Variants in GALNS observed in about 807,000 individuals in gnomAD.
GALNS encodes the protein N-acetylgalactosamine-6-sulfatase.
GALNS carries 65 observed loss-of-function variants against 65.9 expected under a neutral mutation model. The ratio of observed to expected loss-of-function variants is 0.99; its 90% CI spans 0.81 to 1.21. The LOEUF is 1.21. Ranked by LOEUF, GALNS falls within the 50% of genes most tolerant of loss-of-function variation. The pLI, the probability that GALNS is intolerant of heterozygous loss-of-function variation, is 0.00. For missense variants in GALNS, 776 were observed against 700.7 expected (o/e 1.11, Z -1.21); for synonymous variants, 346 against 288.9 (o/e 1.20, Z -2.00).
chr16:88,818,392 A>C (rs1909860536), intron 12 of GALNS, among the ~76,000 whole-genome samples: 1 of 152,196 alleles, frequency 6.6e-6, no homozygotes, highest in African/African-American at 2.4e-5. Context: ...CTGTGAGTAG[A>C]GCCGTCCCAT....
chr16:88,836,084 T>C (rs2143001618), intron 6 of GALNS, 117 bp downstream of exon 6: 2 of 1,114,862 alleles, frequency 1.8e-6, no homozygotes, highest in Non-Finnish European at 2.6e-6. Flanking sequence ...CCTGAACCCA[T>C]GCCTCCCACG....
At chr16:88,818,924 CG>C (rs1332525550) in intron 12 of GALNS, among the ~76,000 whole-genome samples, 43 of 152,158 alleles carry the variant, frequency 2.8e-4, no homozygotes, top group African/African-American at 9.9e-4. Context: ...GGACGTGGAC[CG>C]GAGCAGCCAC....
At chr16:88,837,556 CGGGGGGCA>C in intron 5 of GALNS, 58 bp downstream of exon 5, 1 of 1,525,816 alleles carries the variant, frequency 6.6e-7, no homozygotes, top group Non-Finnish European at 9.0e-7. Context: ...GTGCTAGAGG[CGGGGGGCA>C]GGCACGCCGG....
chr16:88,834,489 C>T (rs56340296), intron 8 of GALNS, among the ~76,000 whole-genome samples: 4 of 102,572 alleles, frequency 3.9e-5, no homozygotes, highest in East Asian at 6.5e-4. Context: ...GAAGAGGCTG[C>T]AGGGCCCCCC....
intron 11 of GALNS, among the ~76,000 whole-genome samples, chr16:88,823,460 C>A (rs1203982686): frequency 6.6e-6 from 1 of 152,268 alleles, no homozygotes; most frequent in African/African-American, 2.4e-5. Context: ...CGTCCGAGGA[C>A]TGTGCCCAGG....
chr16:88,841,913 G>T lies in GALNS; in HGVS notation c.303C>A (p.Asn101Lys), dbSNP rs79146426. The T allele has an allele frequency of 1.2e-6, 2 of 1,613,234 alleles. No homozygotes were observed. The change falls in exon 3 of 14, where the codon AAC (asparagine) becomes AAA (lysine). Residue 101 changes from asparagine (N) to lysine (K), a missense_variant. Transcript: ENST00000268695. ...LPIRNGFYTTNAHARNAYTPQ... is the reference protein window; with the variant it reads ...LPIRNGFYTTKAHARNAYTPQ... ...GCAGCCTACCGTTTCTGGCATGGGC[G>T]TTGGTGGTGTAGAAGCCATTGCGGA... is the stretch of plus-strand genomic sequence containing the variant.
At position 88,826,682 on chromosome 16, in the gene GALNS, G is replaced by A. The variant is rs762116692; in HGVS notation, c.1139+20C>T. The A allele has an allele frequency of 1.7e-4, 267 of 1,606,818 alleles. No homozygotes were observed. The highest frequency in any genetic ancestry group is 2.3e-4 in the African/African-American group (17 of 74,840). On this transcript the variant is annotated intron_variant, in intron 10 of 13. Coordinates refer to ENST00000268695, the MANE Select transcript of GALNS (RefSeq NM_000512.5). ...ACTACTTGGATCGGGGGAAGGGGCCGGGGCAGGTCTAGCACCAACCTGTCC... is the reference window on the plus strand; with the variant it reads ...ACTACTTGGATCGGGGGAAGGGGCCAGGGCAGGTCTAGCACCAACCTGTCC...
chr16:88,814,486 G>A lies in GALNS; in HGVS notation c.1522C>T (p.Leu508=). 9 of 1,563,168 alleles carry A rather than the reference G, an allele frequency of 5.8e-6. No homozygotes were observed. Among genetic ancestry groups the A allele is most frequent in the African/African-American group, 1.4e-5 (1 of 73,992 alleles). ...PPGCEKLGKC[L]TPPESIPKKC... is the part of the protein sequence containing the mutation. ...TTGGGAATGGATTCTGGAGGTGTCA[G>A]ACACTTCCCTAACTTTTCACAGCCC... is the stretch of plus-strand genomic sequence containing the variant. The change falls in exon 14 of 14, where the codon CTG becomes TTG. Residue 508 remains leucine, a synonymous_variant. Coordinates refer to ENST00000268695, the MANE Select transcript of GALNS (RefSeq NM_000512.5).
chr16:88,835,900 T>A (rs908082200), intron 6 of GALNS, 51 bp from the exon 7 acceptor site: 16 of 1,612,422 alleles, frequency 9.9e-6, no homozygotes, highest in Non-Finnish European at 1.4e-5. Context: ...GACCTCCTCA[T>A]GCCTCCCACG....
intron 12 of GALNS, among the ~76,000 whole-genome samples, chr16:88,821,993 CA>C (rs56342036): frequency 3.3e-5 from 5 of 149,920 alleles, no homozygotes; most frequent in Admixed American, 6.6e-5. Flanking sequence ...TGGGTTCGGA[CA>C]AAAAAAAAGG....
chr16:88,815,515 C>T, intron 13 of GALNS: 1 of 985,470 alleles, frequency 1.0e-6, no homozygotes, highest in Non-Finnish European at 1.2e-6. Flanking sequence ...GGAAGCCTTG[C>T]TTGATGGGAG....
intron 13 of GALNS, among the ~76,000 whole-genome samples, chr16:88,817,748 C>T (rs1213966613): frequency 6.6e-6 from 1 of 152,208 alleles, no homozygotes; most frequent in African/African-American, 2.4e-5. Flanking sequence ...CTCAGCTCAG[C>T]CAGGCAGAGG....
intron 13 of GALNS, chr16:88,816,616 C>A (rs1004636592): frequency 2.4e-5 from 24 of 984,692 alleles, no homozygotes; most frequent in Non-Finnish European, 2.9e-5. Flanking sequence ...AGGCCATCTG[C>A]CCTCCATGGT....
rs55633531 is a variant in GALNS at position 88,847,941 on chromosome 16, C to T, written c.121-5112G>A. Among the ~76,000 whole-genome samples the T allele has an allele frequency of 5.6e-3, 853 of 152,372 alleles. 6 individuals are homozygous for T. Among genetic ancestry groups the T allele is most frequent in the Non-Finnish European group, 7.7e-3 (524 of 68,038 alleles). On this transcript the variant is annotated intron_variant, in intron 1 of 13. Transcript: ENST00000268695. ...CTCCCTGGCAGCCAAGCTGGAAACA[C>T]CCGGATGCCCATCCATGGGTGGAAG...
At position 88,818,128 on chromosome 16, in the gene GALNS, G is replaced by A. The variant is rs558654277; in HGVS notation, c.1365-4C>T. ...CTGGTACTCGGCGCTGGCAAAGCTG[G>A]GGACAGAGAGCTCTGGTCACACGGC... On this transcript the variant is annotated splice_polypyrimidine_tract_variant and splice_region_variant and intron_variant, in intron 12 of 13. Transcript: ENST00000268695. The A allele has an allele frequency of 7.6e-6, 12 of 1,570,816 alleles. No individual in the cohort carries two copies. The Admixed American group carries it at 2.2e-4, about 29-fold the overall frequency.
At chr16:88,815,941 C>T (rs1324392829) in intron 13 of GALNS, 1 of 985,332 alleles carries the variant, frequency 1.0e-6, no homozygotes, top group African/African-American at 1.7e-5. Flanking sequence ...TCCTCTGTGC[C>T]AGAGACGCCA....
At chr16:88,823,137 C>G (rs1567517655) in intron 11 of GALNS, among the ~76,000 whole-genome samples, 2 of 152,116 alleles carry the variant, frequency 1.3e-5, no homozygotes, top group South Asian at 2.1e-4. Flanking sequence ...ACAGCCTACT[C>G]TCTGCTGGGG....
chr16:88,835,493 A>C lies in GALNS; in HGVS notation c.759-141T>G, dbSNP rs368453864. 30 of 1,291,630 alleles carry C rather than the reference A, an allele frequency of 2.3e-5. No individual in the cohort carries two copies. The African/African-American group carries it at 2.8e-4, about 12-fold the overall frequency. The allele number at this position is 1,291,630 out of a possible 1,614,324, so 80.0% of individuals were successfully genotyped here. A position where few individuals can be genotyped will look rare whatever the true frequency, so the allele number is the denominator to read the frequency against. ...CAGTGAAACTGGCCGGCCTCTTCCC[A>C]GAAGAGGAATGGCCTCAGTTCAAGT... On this transcript the variant is annotated intron_variant, in intron 7 of 13. Transcript: ENST00000268695.
intron 1 of GALNS, chr16:88,855,803 C>T (rs1428558545): frequency 1.2e-5 from 6 of 521,086 alleles, no homozygotes; most frequent in Non-Finnish European, 3.4e-6. Flanking sequence ...CACTGGTCAG[C>T]ACAGGTGGGT....
Sources: gnomAD v4.1 joint callset for allele counts (sites outside exome capture counted in the v4.1 genomes callset) on GRCh38, gnomAD v4.1.1 for gene constraint, MANE v1.5 for transcripts, NCBI Gene and HGNC (gene_info 2026-07-23, HGNC 2026-07-21) for gene names.